Variants in SLCO1A2 observed in about 807,000 individuals in gnomAD.
SLCO1A2 encodes OATP-1.
A neutral mutation model predicts 69.0 loss-of-function variants in SLCO1A2; 67 were observed. That is an observed-to-expected ratio of 0.97 (90% CI 0.80 to 1.19). The LOEUF (loss-of-function observed/expected upper bound fraction) is 1.19. SLCO1A2 is among the 50% of genes most tolerant of loss of function. The pLI is 0.00. For synonymous variants in SLCO1A2, 260 were observed against 265.9 expected (o/e 0.98, Z 0.22); for missense variants, 787 against 793.7 (o/e 0.99, Z 0.10).
rs767774918 is a variant in SLCO1A2, at chr12:21,274,547, T to G, written c.1715A>C (p.Asp572Ala). ...AGTTCCCCAGTGTAAACATGTGGAA[T>G]CCATTAAAGCGCCAAAATATATAGG... The part of the protein sequence containing the change: ...PAPIYFGALM[D>A]STCLHWGTLK... Residue 572 changes from aspartate to alanine, a missense_variant, in exon 14 of 15, where the codon GAT (aspartate) becomes GCT (alanine). Coordinates refer to ENST00000683939, the MANE Select transcript of SLCO1A2 (RefSeq NM_001386879.1). 4 of 1,613,752 alleles carry G rather than the reference T, an allele frequency of 2.5e-6. No homozygotes were observed. In the South Asian group the frequency reaches 3.3e-5, roughly 13 times the overall value.
At chr12:21,306,386 C>A (rs943337704) in intron 5 of SLCO1A2, among the ~76,000 whole-genome samples, 1 of 151,840 alleles carries the variant, frequency 6.6e-6, no homozygotes, top group Non-Finnish European at 1.5e-5. Flanking sequence ...AGTGCAATGG[C>A]GCAATCTTGG....
chr12:21,403,540 G>T (rs1200866859), intron 1 of SLCO1A2: 3 of 152,004 alleles, frequency 2.0e-5, no homozygotes, highest in East Asian at 3.9e-4. Context: ...GTAAGCTGCA[G>T]CTTCTTGTTC....
In SLCO1A2 at chr12:21,304,422, C is replaced by T; in HGVS notation, c.589+5G>A. The T allele has an allele frequency of 6.3e-7, 1 of 1,599,024 alleles. No homozygotes were observed. Among genetic ancestry groups the T allele is most frequent in the Non-Finnish European group, 8.6e-7 (1 of 1,167,368 alleles). ...AAAGAAGCTAAGGTAGATTTCCATA[C>T]TTACCAATATATAAAGGAGAATTTT... is the stretch of plus-strand genomic sequence containing the variant. On this transcript the variant is annotated splice_donor_5th_base_variant and intron_variant, in intron 6 of 14. Coordinates refer to ENST00000683939, the MANE Select transcript of SLCO1A2 (RefSeq NM_001386879.1).
intron 5 of SLCO1A2, 93 bp from the exon 6 acceptor site, chr12:21,304,666 T>C: frequency 1.7e-6 from 2 of 1,156,186 alleles, no homozygotes; most frequent in Non-Finnish European, 2.5e-6. Flanking sequence ...TTCACAGTTA[T>C]ATGACCATGG....
At chr12:21,299,764 ACG>A (rs1565482094) in intron 8 of SLCO1A2, among the ~76,000 whole-genome samples, 25 of 128,854 alleles carry the variant, frequency 1.9e-4, no homozygotes, top group African/African-American at 5.9e-4. Context: ...CCATATATAT[ACG>A]TGTGTATATA....
intron 2 of SLCO1A2, among the ~76,000 whole-genome samples, chr12:21,328,416 G>A (rs974866377): frequency 1.3e-5 from 2 of 152,078 alleles, no homozygotes; most frequent in African/African-American, 4.8e-5. Flanking sequence ...ACAACAGAAG[G>A]GGAGGGAGTC....
intron 2 of SLCO1A2, among the ~76,000 whole-genome samples, chr12:21,371,692 C>T (rs193122181): frequency 1.9e-3 from 294 of 152,038 alleles, no homozygotes; most frequent in African/African-American, 6.7e-3. Flanking sequence ...ACTAAGATAC[C>T]AAATATAATT....
intron 2 of SLCO1A2, among the ~76,000 whole-genome samples, chr12:21,369,917 A>G (rs1342794891): frequency 6.6e-6 from 1 of 152,244 alleles, no homozygotes; most frequent in Non-Finnish European, 1.5e-5. Flanking sequence ...GGGAGCATGT[A>G]AACTCTGAAG....
chr12:21,378,454 T>C, intron 1 of SLCO1A2: 4 of 1,560,514 alleles, frequency 2.6e-6, no homozygotes, highest in Non-Finnish European at 3.5e-6. Flanking sequence ...TAGTTATTGT[T>C]TTATGTTCTA....
intron 2 of SLCO1A2, chr12:21,372,912 A>C (rs2137091505): frequency 5.0e-6 from 1 of 201,530 alleles, no homozygotes; most frequent in Middle Eastern, 2.2e-3. Context: ...GAGGGGGTAA[A>C]TATTCCAGTG....
At chr12:21,321,962 T>G (rs577972589) in intron 2 of SLCO1A2, among the ~76,000 whole-genome samples, 1 of 152,294 alleles carries the variant, frequency 6.6e-6, no homozygotes, top group African/African-American at 2.4e-5. Context: ...AGCCATATGT[T>G]ATTTACCCCT....
chr12:21,307,848 G>A (rs959944764), intron 4 of SLCO1A2, among the ~76,000 whole-genome samples: 1 of 152,124 alleles, frequency 6.6e-6, no homozygotes, highest in African/African-American at 2.4e-5. Context: ...CTTAATTTCT[G>A]TGCTATAGGA....
chr12:21,387,986 T>C (rs1940969646), intron 1 of SLCO1A2, among the ~76,000 whole-genome samples: 1 of 152,182 alleles, frequency 6.6e-6, no homozygotes, highest in Non-Finnish European at 1.5e-5. Flanking sequence ...CATTTTGGAA[T>C]GTTAAGGTTT....
intron 2 of SLCO1A2, 129 bp downstream of exon 2, chr12:21,334,459 T>A: frequency 1.6e-6 from 1 of 642,474 alleles, no homozygotes; most frequent in East Asian, 2.9e-5. Context: ...AGCAAGAAAT[T>A]ATCAATAGAA....
intron 1 of SLCO1A2, among the ~76,000 whole-genome samples, chr12:21,401,060 C>T (rs991595006): frequency 6.7e-6 from 1 of 150,144 alleles, no homozygotes; most frequent in Non-Finnish European, 1.5e-5. Flanking sequence ...AAATCAGGAA[C>T]AAATAAAGGT....
intron 3 of SLCO1A2, among the ~76,000 whole-genome samples, chr12:21,317,007 A>G (rs1950961879): frequency 1.3e-5 from 2 of 152,222 alleles, no homozygotes; most frequent in African/African-American, 4.8e-5. Context: ...AAGTACAAAT[A>G]TTACTATATA....
chr12:21,285,538 G>A lies in SLCO1A2; in HGVS notation c.1610+6626C>T, dbSNP rs376255420. Among the ~76,000 whole-genome samples the A allele has an allele frequency of 2.2e-3, 297 of 135,398 alleles. 6 individuals carry two copies. The East Asian group carries it at 0.046, about 21-fold the overall frequency. The allele number at this position is 135,398 out of a possible 152,430, so 88.8% of individuals were successfully genotyped here. The stretch of plus-strand genomic sequence containing the variant: ...CCAGCATCATTCTGATACCAAAGCC[G>A]GGCAGAGACACAACCAAAAAAGAGA... On this transcript the variant is annotated intron_variant, in intron 12 of 14. Transcript: ENST00000683939.
intron 6 of SLCO1A2, among the ~76,000 whole-genome samples, chr12:21,303,799 C>T (rs1039721058): frequency 6.6e-6 from 1 of 151,898 alleles, no homozygotes; most frequent in Non-Finnish European, 1.5e-5. Context: ...TATGAAGAAG[C>T]CTGACTATAT....
intron 6 of SLCO1A2, 33 bp from the exon 7 acceptor site, chr12:21,301,302 C>T (rs1263497605): frequency 3.6e-6 from 5 of 1,408,170 alleles, no homozygotes; most frequent in Non-Finnish European, 4.9e-6. Context: ...GGTTATAGTA[C>T]AGTTATATGC....
Sources: allele counts gnomAD v4.1 joint callset (sites outside exome capture counted in the v4.1 genomes callset), GRCh38; gene constraint gnomAD v4.1.1; transcripts MANE v1.5; gene names NCBI Gene and HGNC (gene_info 2026-07-23, HGNC 2026-07-21).